LILRA5: variants seen among roughly 807,000 people sequenced by gnomAD.
LILRA5 encodes the protein leukocyte immunoglobulin-like receptor subfamily A member 5.
Under a neutral mutation model 36.3 loss-of-function variants are expected in LILRA5, and 31 were observed. The observed-to-expected ratio is 0.85, with a 90% CI of 0.64 to 1.15. The LOEUF is 1.15. LILRA5 is among the 50% of genes most tolerant of loss of function. The pLI is 0.00. For synonymous variants in LILRA5, 144 were observed against 144.8 expected (o/e 0.99, Z 0.04); for missense variants, 348 against 377.4 (o/e 0.92, Z 0.64).
intron 6 of LILRA5, 37 bp from the exon 7 acceptor site, chr19:54,307,586 G>A: frequency 1.9e-6 from 3 of 1,613,854 alleles, no homozygotes; most frequent in Non-Finnish European, 2.5e-6. Context: ...AGAGGTCAGG[G>A]CAGATCAGTA....
chr19:54,308,366 T>TATATATATATAA (rs2080933089), intron 5 of LILRA5: 1 of 23,196 alleles, frequency 4.3e-5, no homozygotes, highest in East Asian at 9.4e-4. Flanking sequence ...TATATATATA[T>TATATATATATAA]ATATATATAT....
chr19:54,312,717 C>A, intron 1 of LILRA5, 96 bp from the exon 2 acceptor site: 2 of 1,224,594 alleles, frequency 1.6e-6, no homozygotes, highest in Non-Finnish European at 2.4e-6. Context: ...GAAAGGGGAA[C>A]TGCTCTCCCC....
chr19:54,309,376 A>G (rs928332388), intron 5 of LILRA5: 4 of 152,218 alleles, frequency 2.6e-5, no homozygotes, highest in Non-Finnish European at 5.9e-5. Flanking sequence ...GAGGCAGGAC[A>G]ATGGCGTGAA....
rs557716635 is a variant in LILRA5, at chr19:54,308,155, C to T, written c.713-407G>A. ...CTGAGGACCCAGGCTCCATGGATGA[C>T]GGGTTGGTCCTCAGGGGCTCCTGAA... is the stretch of plus-strand genomic sequence containing the variant. On this transcript the variant is annotated intron_variant, in intron 5 of 6. Transcript: ENST00000432233. The T allele has an allele frequency of 1.4e-4, 24 of 177,146 alleles. 1 individual carries two copies. Among genetic ancestry groups the T allele is most frequent in the Admixed American group, 7.1e-4 (13 of 18,362 alleles). 11.0% of individuals were successfully genotyped at this position (177,146 alleles called of 1,614,324 possible).
chr19:54,308,148 T>C (rs1164388864), intron 5 of LILRA5: 2 of 179,070 alleles, frequency 1.1e-5, no homozygotes, highest in Non-Finnish European at 2.4e-5. Context: ...CCAGGCTCCA[T>C]GGATGACGGG....
At chr19:54,311,836 G>C (rs746842697) in intron 4 of LILRA5, 28 bp downstream of exon 4, 3 of 1,614,096 alleles carry the variant, frequency 1.9e-6, no homozygotes, top group Non-Finnish European at 2.5e-6. Context: ...GCAGAGCCTG[G>C]AGCTGGGACC....
intron 5 of LILRA5, chr19:54,308,041 A>G: frequency 2.3e-6 from 1 of 435,344 alleles, no homozygotes; most frequent in Non-Finnish European, 4.3e-6. Context: ...CCCAGAAGTC[A>G]CTGAGCCCTT....
intron 5 of LILRA5, chr19:54,310,922 T>C: frequency 4.2e-6 from 1 of 239,886 alleles, no homozygotes; most frequent in Non-Finnish European, 8.6e-6. Context: ...CCTATAAACC[T>C]CCTTCTGGAG....
In LILRA5 at chr19:54,312,374, G is replaced by C. The variant is rs1351008816; in HGVS notation, c.89-4C>G. ...GTCCTGGGGCCCAGACTCAGCCCTG[G>C]AAGAGAGTTCCCTGTGAGAGATTTG... is the stretch of plus-strand genomic sequence containing the variant. On this transcript the variant is annotated splice_region_variant and splice_polypyrimidine_tract_variant and intron_variant, in intron 2 of 6. Coordinates refer to ENST00000432233, the MANE Select transcript of LILRA5 (RefSeq NM_021250.4). The C allele has an allele frequency of 3.1e-6, 5 of 1,614,210 alleles. No individual in the cohort carries two copies. In the South Asian group the frequency reaches 5.5e-5, roughly 18 times the overall value.
In LILRA5 at chr19:54,312,538, G is replaced by C; in HGVS notation, c.87C>G (p.Leu29=). The C allele has an allele frequency of 6.2e-7, 1 of 1,614,214 alleles. No homozygotes were observed. Among genetic ancestry groups the C allele is most frequent in the Non-Finnish European group, 8.5e-7 (1 of 1,180,012 alleles). ...CTTCCCTGAGGCTTCCAATCTCACC[G>C]AGGCAGAGCAGAACCATGAGGGCAG... ...VSPALMVLLC[L]GLSLGPRTHV... The change falls in exon 2 of 7, where the codon CTC becomes CTG. Residue 29 remains leucine (L), a splice_region_variant and synonymous_variant. Coordinates refer to ENST00000432233, the MANE Select transcript of LILRA5 (RefSeq NM_021250.4).
At chr19:54,312,490 G>T (rs878923686) in intron 2 of LILRA5, 47 bp downstream of exon 2, 5 of 1,613,678 alleles carry the variant, frequency 3.1e-6, no homozygotes, top group Non-Finnish European at 2.5e-6. Flanking sequence ...ATGGGGTGGG[G>T]TCCCTCCCAG....
chr19:54,312,629 G>A lies in LILRA5; in HGVS notation c.4-8C>T. 6.2e-7 allele frequency: 1 copy of A among 1,613,808 alleles called. No homozygotes were observed. The highest frequency in any genetic ancestry group is 1.7e-5 in the Admixed American group (1 of 60,014). ...TGGATGAGACCATGGTGCCTGGCAG[G>A]ACAGAGAGACACACAGGGTGTGGCA... On this transcript the variant is annotated splice_region_variant and splice_polypyrimidine_tract_variant and intron_variant, in intron 1 of 6. Transcript: ENST00000432233.
intron 5 of LILRA5, 58 bp from the exon 6 acceptor site, chr19:54,307,806 C>T (rs1368443809): frequency 2.1e-6 from 3 of 1,445,384 alleles, no homozygotes; most frequent in African/African-American, 1.4e-5. Flanking sequence ...CTGAGCCCAG[C>T]CTCTCCCCTG....
Position 54,307,696 on chromosome 19 carries a change from A to G in LILRA5, c.763+2T>C, listed in dbSNP as rs765522480. The G allele has an allele frequency of 2.5e-5, 41 of 1,613,948 alleles. No homozygotes were observed. Among genetic ancestry groups the G allele is most frequent in the Non-Finnish European group, 3.1e-5 (37 of 1,179,988 alleles). ...CATAACTGAGAGCATCTCCTCACTC[A>G]CCAGTCCCAGAGTCAGACTTGTTTT... is the stretch of plus-strand genomic sequence containing the variant. On this transcript the variant is annotated splice_donor_variant, in intron 6 of 6. Coordinates refer to ENST00000432233, the MANE Select transcript of LILRA5 (RefSeq NM_021250.4). LOFTEE classifies it high-confidence loss of function.
rs745631765 is a variant in LILRA5 at position 54,311,922 on chromosome 19, G to A, written c.351C>T (p.Tyr117=). 1.1e-5 allele frequency: 17 copies of A among 1,614,198 alleles called. No individual in the cohort carries two copies. Among genetic ancestry groups the A allele is most frequent in the Middle Eastern group, 3.3e-4 (2 of 6,062 alleles). Residue 117 remains tyrosine (Y), a synonymous_variant, in exon 4 of 7, where the codon TAC becomes TAT. Transcript: ENST00000432233. Reference sequence around the variant, plus strand: ...CTGACCAGCCTGCAGGGCTGTAGTAGTAACAGCGGTATCTCCCTGCATGGT... The same window carrying A: ...CTGACCAGCCTGCAGGGCTGTAGTAATAACAGCGGTATCTCCCTGCATGGT... The part of the protein sequence containing the change: ...TEHHAGRYRC[Y]YYSPAGWSEP...
intron 5 of LILRA5, chr19:54,308,110 G>C (rs1409419203): frequency 5.1e-6 from 1 of 197,716 alleles, no homozygotes; most frequent in Non-Finnish European, 1.1e-5. Context: ...CCAGAGATGA[G>C]AGTTTCACGG....
rs10573769 is a variant in LILRA5 at position 54,307,242 on chromosome 19, CAAAAAAAAAAAAA to C, written c.*158_*170del. ...CTGGTGACAGAGCAAGACTCCATCTCAAAAAAAAAAAAAAAAAAAAAAAAGAAAGAAAAGAAAA... is the reference window on the plus strand; with the variant it reads ...CTGGTGACAGAGCAAGACTCCATCTCAAAAAAAAAAAGAAAGAAAAGAAAA... On this transcript the variant is annotated 3_prime_UTR_variant, in exon 7 of 7. Coordinates refer to ENST00000432233, the MANE Select transcript of LILRA5 (RefSeq NM_021250.4). 6.9e-5 allele frequency: 8 copies of C among 115,736 alleles called. No homozygotes were observed. Among genetic ancestry groups the C allele is most frequent in the African/African-American group, 1.9e-4 (3 of 15,608 alleles). 7.2% of individuals were successfully genotyped at this position (115,736 alleles called of 1,614,324 possible).
intron 5 of LILRA5, 37 bp from the exon 6 acceptor site, chr19:54,307,785 C>G (rs2080910908): frequency 2.5e-6 from 4 of 1,591,918 alleles, no homozygotes; most frequent in Non-Finnish European, 3.4e-6. Context: ...AGGAGAAGTT[C>G]TTGAAGCAAT....
chr19:54,308,363 ATATATAT>A (rs2080931939), intron 5 of LILRA5: 1 of 15,900 alleles, frequency 6.3e-5, no homozygotes, highest in Non-Finnish European at 1.1e-4. Flanking sequence ...AAATATATAT[ATATATAT>A]ATATATATAT....
Sources: allele counts gnomAD v4.1 joint callset, GRCh38; gene constraint gnomAD v4.1.1; transcripts MANE v1.5; gene names NCBI Gene and HGNC (gene_info 2026-07-23, HGNC 2026-07-21).